Variants in EFTUD2 observed in about 807,000 individuals in gnomAD.
The protein encoded by EFTUD2 is 116 kDa U5 small nuclear ribonucleoprotein component.
A neutral mutation model predicts 114.3 loss-of-function variants in EFTUD2; 9 were observed. That is an observed-to-expected ratio of 0.08 (90% CI 0.05 to 0.14). The LOEUF (loss-of-function observed/expected upper bound fraction) is 0.14, where lower values mean the gene tolerates loss of function less well. EFTUD2 is among the 10% of genes least tolerant of loss of function. The pLI is 1.00. For synonymous variants in EFTUD2, 449 were observed against 462.3 expected (o/e 0.97, Z 0.37); for missense variants, 765 against 1,241.2 (o/e 0.62, Z 5.76).
At chr17:44,868,868 C>T (rs1314064115) in intron 11 of EFTUD2, among the ~76,000 whole-genome samples, 2 of 152,196 alleles carry the variant, frequency 1.3e-5, no homozygotes, top group African/African-American at 4.8e-5. Flanking sequence ...AACACCAAAG[C>T]CAACCTTTGG....
intron 11 of EFTUD2, among the ~76,000 whole-genome samples, chr17:44,869,287 T>C (rs1044080594): frequency 1.3e-5 from 2 of 152,226 alleles, no homozygotes; most frequent in African/African-American, 4.8e-5. Context: ...GCACTTACCA[T>C]GCAGTATAAT....
chr17:44,860,294 C>G (rs963219665), intron 17 of EFTUD2, 138 bp downstream of exon 17: 1 of 755,256 alleles, frequency 1.3e-6, no homozygotes, highest in African/African-American at 1.7e-5. Context: ...CAGGGAGAAT[C>G]CAGCAGGGTC....
chr17:44,857,744 AG>A (rs2050582518), intron 19 of EFTUD2: 3 of 155,312 alleles, frequency 1.9e-5, no homozygotes, highest in East Asian at 1.9e-4. Context: ...ACATGGTTTG[AG>A]GGGCTACATC....
intron 18 of EFTUD2, 84 bp from the exon 19 acceptor site, chr17:44,859,265 A>T: frequency 2.1e-6 from 2 of 959,550 alleles, no homozygotes; most frequent in Non-Finnish European, 3.4e-6. Flanking sequence ...AGAGCAGACA[A>T]GAAGTTGCCT....
At chr17:44,883,035 G>C (rs2051100891) in intron 6 of EFTUD2, 58 bp downstream of exon 6, 3 of 1,539,360 alleles carry the variant, frequency 1.9e-6, no homozygotes, top group Non-Finnish European at 2.7e-6. Context: ...GGAGGAGAGA[G>C]ACATCTCTAT....
At chr17:44,851,601 C>T (rs1231037407) in intron 27 of EFTUD2, 109 bp downstream of exon 27, 1 of 1,182,944 alleles carries the variant, frequency 8.5e-7, no homozygotes. Flanking sequence ...CATATCTCTA[C>T]ATTGGAAAAG....
In EFTUD2 at chr17:44,852,449, T is replaced by C; in HGVS notation, c.2675A>G (p.Gln892Arg). Residue 892 changes from glutamine (Q) to arginine (R), a missense_variant, in exon 26 of 28, where the codon CAG (glutamine) becomes CGG (arginine). Gln to Arg is a conservative substitution (Grantham distance 43). Coordinates refer to ENST00000426333, the MANE Select transcript of EFTUD2 (RefSeq NM_004247.4). ...GACAGACAGAGAAAAGGCTTGTCCC[T>C]GGGTGTGAGTCCGGAGATCAGTCTC... ...GFETDLRTHTQGQAFSLSVFH... is the reference protein window; with the variant it reads ...GFETDLRTHTRGQAFSLSVFH... The C allele has an allele frequency of 6.2e-7, 1 of 1,614,092 alleles. No individual in the cohort carries two copies.
At chr17:44,890,396 TAAA>T (rs111920175) in intron 2 of EFTUD2, among the ~76,000 whole-genome samples, 36 of 147,868 alleles carry the variant, frequency 2.4e-4, no homozygotes, top group African/African-American at 8.4e-4. Context: ...TCAATATAAT[TAAA>T]AAAAAAAATC....
intron 7 of EFTUD2, 77 bp from the exon 8 acceptor site, chr17:44,880,721 C>CT (rs1164209651): frequency 8.8e-7 from 1 of 1,133,074 alleles, no homozygotes; most frequent in Non-Finnish European, 1.3e-6. Context: ...TCCCCAGTTG[C>CT]TAGTAAATTA....
intron 14 of EFTUD2, chr17:44,864,158 C>A: frequency 5.5e-6 from 1 of 182,256 alleles, no homozygotes; most frequent in Non-Finnish European, 1.2e-5. Context: ...CCTTGAGAAA[C>A]ACTGCATGCA....
chr17:44,872,738 G>C (rs1220140693), intron 10 of EFTUD2, 168 bp from the exon 11 acceptor site: 7 of 668,310 alleles, frequency 1.0e-5, no homozygotes, highest in African/African-American at 1.9e-5. Context: ...TGACATGATG[G>C]AGCTGTTCCC....
At position 44,895,424 on chromosome 17, in the gene EFTUD2, G is replaced by T. The variant is rs186289333; in HGVS notation, c.-4-899C>A. Among the ~76,000 whole-genome samples, 393 of 151,772 alleles carry T rather than the reference G, an allele frequency of 2.6e-3. 10 individuals carry two copies. The highest frequency in any genetic ancestry group is 0.025 in the Admixed American group (382 of 15,216). On this transcript the variant is annotated intron_variant, in intron 1 of 27. Transcript: ENST00000426333. ...TATAGGAGAATCCCTTGAACCCAGG[G>T]GGTGGAGGTTGCAGTGAGGCGAGAT...
At chr17:44,855,542 T>G (rs2050534275) in intron 20 of EFTUD2, among the ~76,000 whole-genome samples, 1 of 151,918 alleles carries the variant, frequency 6.6e-6, no homozygotes, top group Non-Finnish European at 1.5e-5. Flanking sequence ...CACTCCAGCC[T>G]GGCGACCGTG....
At chr17:44,875,763 T>C (rs2050936308) in intron 10 of EFTUD2, 171 bp downstream of exon 10, 1 of 677,796 alleles carries the variant, frequency 1.5e-6, no homozygotes, top group Admixed American at 2.4e-5. Context: ...AAAATGAAGA[T>C]GTGTTAAAGT....
chr17:44,875,461 C>T (rs901384102), intron 10 of EFTUD2, among the ~76,000 whole-genome samples: 37 of 152,062 alleles, frequency 2.4e-4, no homozygotes, highest in Admixed American at 3.9e-4. Flanking sequence ...ACCCGGGAGG[C>T]GGAGCTTGCA....
At chr17:44,851,918 CTTATTA>C in intron 26 of EFTUD2, 101 bp from the exon 27 acceptor site, 1 of 1,042,274 alleles carries the variant, frequency 9.6e-7, no homozygotes, top group African/African-American at 1.7e-5. Context: ...AAATTTATTA[CTTATTA>C]TTATTTTTTT....
At chr17:44,871,790 C>T (rs2050860075) in intron 11 of EFTUD2, among the ~76,000 whole-genome samples, 1 of 152,144 alleles carries the variant, frequency 6.6e-6, no homozygotes, top group Non-Finnish European at 1.5e-5. Context: ...CCTGTCTGCT[C>T]GACTCTAAGA....
rs1259973607 is a variant in EFTUD2 at position 44,857,321 on chromosome 17, C to A, written c.1963-164G>T. The A allele has an allele frequency of 5.1e-6, 3 of 587,912 alleles. No individual in the cohort carries two copies. The Admixed American group carries it at 8.6e-5, about 17-fold the overall frequency. The allele number at this position is 587,912 out of a possible 1,614,324, so 36.4% of individuals were successfully genotyped here. On this transcript the variant is annotated intron_variant, in intron 19 of 27. Transcript: ENST00000426333. ...TACAACAGCAGGTTAAAAGAGCTGT[C>A]CAAATCATCACCAAAAAGCCCAAGA... is the stretch of plus-strand genomic sequence containing the variant.
At chr17:44,875,317 T>A (rs564676301) in intron 10 of EFTUD2, among the ~76,000 whole-genome samples, 3 of 152,020 alleles carry the variant, frequency 2.0e-5, no homozygotes, top group Non-Finnish European at 4.4e-5. Flanking sequence ...GATCACGAGC[T>A]CAGAAGGTCA....
Sources: allele counts gnomAD v4.1 joint callset (sites outside exome capture counted in the v4.1 genomes callset), GRCh38; gene constraint gnomAD v4.1.1; transcripts MANE v1.5; gene names NCBI Gene and HGNC (gene_info 2026-07-23, HGNC 2026-07-21).